The following KCNC2 variants were observed in gnomAD, a reference collection of about 807,000 sequenced individuals.
KCNC2 encodes voltage-gated potassium channel KCNC2.
A neutral mutation model predicts 44.5 loss-of-function variants in KCNC2; 21 were observed. The observed-to-expected ratio is 0.47, with a 90% CI of 0.33 to 0.68. The LOEUF (loss-of-function observed/expected upper bound fraction) is 0.68, where lower values mean the gene tolerates loss of function less well. Among genes scored for constraint, KCNC2 ranks in the 30% least tolerant of loss-of-function variants. The pLI, the probability that KCNC2 is intolerant of heterozygous loss-of-function variation, is 0.01. For missense variants in KCNC2, 589 were observed against 826.2 expected, an observed-to-expected ratio of 0.71 and a Z score of 3.52; for synonymous variants, 391 against 339.1, an observed-to-expected ratio of 1.15 and a Z score of -1.68.
intron 2 of KCNC2, among the ~76,000 whole-genome samples, chr12:75,166,727 A>T (rs1206129157): frequency 6.6e-6 from 1 of 151,198 alleles, no homozygotes; most frequent in Non-Finnish European, 1.5e-5. Context: ...ATCAAAAAAG[A>T]TGTTATAAAA....
At chr12:75,133,918 C>A (rs558298958) in intron 2 of KCNC2, among the ~76,000 whole-genome samples, 3 of 144,836 alleles carry the variant, frequency 2.1e-5, no homozygotes, top group Admixed American at 7.0e-5. Flanking sequence ...TAAAGATACA[C>A]GAAAAAAAGA....
At chr12:75,175,395 A>T (rs530759507) in intron 2 of KCNC2, among the ~76,000 whole-genome samples, 2 of 152,156 alleles carry the variant, frequency 1.3e-5, no homozygotes, top group African/African-American at 2.4e-5. Context: ...TCAAGAAAGT[A>T]GAGATTATAT....
chr12:75,162,684 T>C (rs748768654), intron 2 of KCNC2, among the ~76,000 whole-genome samples: 3 of 151,710 alleles, frequency 2.0e-5, no homozygotes, highest in Non-Finnish European at 2.9e-5. Context: ...GAATTAGATT[T>C]TGAAGAGAGA....
At position 75,073,503 on chromosome 12, in the gene KCNC2, A is replaced by C. The variant is rs375279401; in HGVS notation, c.688-22186T>G. 9.9e-5 allele frequency among the ~76,000 whole-genome samples: 15 copies of C among 152,174 alleles called. No homozygotes were observed. In the East Asian group the frequency reaches 1.5e-3, roughly 16 times the overall value. On this transcript the variant is annotated intron_variant, in intron 2 of 4. Coordinates refer to ENST00000549446, the MANE Select transcript of KCNC2 (RefSeq NM_139137.4). ...TGAAGAGGCATCAACATGTTTAATA[A>C]AAACTTCTTCTATACAGTTGCAATA... is the stretch of plus-strand genomic sequence containing the variant.
At chr12:75,111,417 A>G (rs1887231307) in intron 2 of KCNC2, among the ~76,000 whole-genome samples, 1 of 152,124 alleles carries the variant, frequency 6.6e-6, no homozygotes, top group African/African-American at 2.4e-5. Flanking sequence ...GGTGGTTACC[A>G]GTTACAAACG....
intron 2 of KCNC2, among the ~76,000 whole-genome samples, chr12:75,134,582 CA>C (rs904983149): frequency 5.6e-4 from 78 of 139,414 alleles, no homozygotes; most frequent in Admixed American, 5.7e-4. Context: ...ACAGACCTAC[CA>C]AAAAAAAAAA....
chr12:75,161,543 T>C (rs141974835), intron 2 of KCNC2, among the ~76,000 whole-genome samples: 11 of 151,888 alleles, frequency 7.2e-5, no homozygotes, highest in Middle Eastern at 3.4e-3. Flanking sequence ...CCCAGCTTCA[T>C]CTTAATAAGA....
chr12:75,056,157 T>C (rs963221510), intron 2 of KCNC2, among the ~76,000 whole-genome samples: 1 of 152,066 alleles, frequency 6.6e-6, no homozygotes, highest in African/African-American at 2.4e-5. Flanking sequence ...TCAGCCCCTG[T>C]TGTGAAATTA....
At chr12:75,143,386 G>T (rs1313370697) in intron 2 of KCNC2, among the ~76,000 whole-genome samples, 1 of 152,154 alleles carries the variant, frequency 6.6e-6, no homozygotes, top group East Asian at 1.9e-4. Flanking sequence ...GTAGGCACCT[G>T]CTGCTACAAC....
intron 2 of KCNC2, among the ~76,000 whole-genome samples, chr12:75,184,093 C>T (rs1049477526): frequency 1.3e-5 from 2 of 152,158 alleles, no homozygotes; most frequent in African/African-American, 4.8e-5. Context: ...ATCTCCTCCG[C>T]TTGATTAGAT....
intron 2 of KCNC2, among the ~76,000 whole-genome samples, chr12:75,162,209 A>T (rs1041364100): frequency 4.6e-5 from 7 of 151,908 alleles, no homozygotes; most frequent in Middle Eastern, 6.8e-3. Flanking sequence ...ATATTTTTTT[A>T]AATTGAAATG....
At chr12:75,109,681 C>T (rs1887070287) in intron 2 of KCNC2, among the ~76,000 whole-genome samples, 3 of 152,026 alleles carry the variant, frequency 2.0e-5, no homozygotes, top group Admixed American at 2.0e-4. Flanking sequence ...TTACCCTCCC[C>T]TGCTTGTCTA....
chr12:75,149,106 A>G (rs2137452621), intron 2 of KCNC2, among the ~76,000 whole-genome samples: 1 of 151,966 alleles, frequency 6.6e-6, no homozygotes, highest in South Asian at 2.1e-4. Flanking sequence ...GCCAATTCCC[A>G]ATAACTCAAT....
intron 2 of KCNC2, among the ~76,000 whole-genome samples, chr12:75,204,417 C>G (rs996048236): frequency 6.6e-6 from 1 of 151,890 alleles, no homozygotes; most frequent in African/African-American, 2.4e-5. Flanking sequence ...CAAAGCACAT[C>G]TATTATATAA....
chr12:75,102,819 C>G (rs915055618), intron 2 of KCNC2, among the ~76,000 whole-genome samples: 1 of 151,936 alleles, frequency 6.6e-6, no homozygotes, highest in South Asian at 2.1e-4. Flanking sequence ...TCCCCCCCAC[C>G]CACACGTTTA....
At chr12:75,075,458 C>CATATATATATATATATATATATATAT (rs5799200) in intron 2 of KCNC2, among the ~76,000 whole-genome samples, 37 of 145,586 alleles carry the variant, frequency 2.5e-4, no homozygotes, top group Non-Finnish European at 3.3e-4. Context: ...TATATATATA[C>CATATATATATATATATATATATATAT]ATATATATAT....
intron 2 of KCNC2, among the ~76,000 whole-genome samples, chr12:75,074,438 A>G (rs1257876097): frequency 6.6e-6 from 1 of 152,088 alleles, no homozygotes; most frequent in Non-Finnish European, 1.5e-5. Context: ...AAAACTGTGT[A>G]AAATTTCTGC....
chr12:75,043,667 C>T, intron 4 of KCNC2: 1 of 1,315,482 alleles, frequency 7.6e-7, no homozygotes, highest in Non-Finnish European at 9.8e-7. Context: ...TTTCCTAAGC[C>T]AATAAAGCAT....
At chr12:75,078,876 CT>C (rs1165590804) in intron 2 of KCNC2, among the ~76,000 whole-genome samples, 3 of 152,122 alleles carry the variant, frequency 2.0e-5, no homozygotes, top group Admixed American at 6.6e-5. Flanking sequence ...ATCAAATTAA[CT>C]AACTTGGGGA....
Sources: allele counts gnomAD v4.1 joint callset (sites outside exome capture counted in the v4.1 genomes callset), GRCh38; gene constraint gnomAD v4.1.1; transcripts MANE v1.5; gene names NCBI Gene and HGNC (gene_info 2026-07-23, HGNC 2026-07-21).